CCDC171: variants seen among roughly 807,000 people sequenced by gnomAD.
The protein encoded by CCDC171 is coiled-coil domain-containing protein 171.
Under a neutral mutation model 168.2 loss-of-function variants are expected in CCDC171, and 177 were observed. That is an observed-to-expected ratio of 1.05 (90% CI 0.93 to 1.19). CCDC171 has a LOEUF of 1.19. Among genes scored for constraint, CCDC171 ranks in the 50% most tolerant of loss-of-function variants. The pLI, the probability that CCDC171 is intolerant of heterozygous loss-of-function variation, is 0.00. For missense variants in CCDC171, 1,991 were observed against 1,539.0 expected (o/e 1.29, Z -4.91); for synonymous variants, 687 against 540.8 (o/e 1.27, Z -3.75).
intron 25 of CCDC171, among the ~76,000 whole-genome samples, chr9:15,927,950 C>T (rs1022767196): frequency 6.6e-6 from 1 of 151,598 alleles, no homozygotes. Context: ...GTTTTTAGCC[C>T]TTTAAGAATA....
chr9:15,974,790 A>G (rs1056804572), downstream of CCDC171, among the ~76,000 whole-genome samples: 1 of 152,188 alleles, frequency 6.6e-6, no homozygotes, highest in Non-Finnish European at 1.5e-5. Context: ...TAGCAACTCT[A>G]TTTCCTATTT....
In CCDC171 at chr9:15,820,293, G is replaced by T. The variant is rs1314910815; in HGVS notation, c.3268-26409G>T. The stretch of plus-strand genomic sequence containing the variant: ...ACAATTAAAAGAACTAGAGAAGCAA[G>T]AGCAAACACATTCAAAAGCTAGCAG... On this transcript the variant is annotated intron_variant, in intron 21 of 25. Coordinates refer to ENST00000380701, the MANE Select transcript of CCDC171 (RefSeq NM_173550.4). Among the ~76,000 whole-genome samples, 2 of 116,020 alleles carry T rather than the reference G, an allele frequency of 1.7e-5. 1 individual carries two copies. Among genetic ancestry groups the T allele is most frequent in the Non-Finnish European group, 3.8e-5 (2 of 51,980 alleles). 76.1% of individuals were successfully genotyped at this position (116,020 alleles called of 152,430 possible).
At chr9:15,908,326 TA>T (rs1406863733) in intron 24 of CCDC171, among the ~76,000 whole-genome samples, 2 of 152,258 alleles carry the variant, frequency 1.3e-5, no homozygotes, top group Admixed American at 6.5e-5. Context: ...TATGCAGCCA[TA>T]AAAAATGATG....
chr9:15,621,856 A>G (rs942268199), intron 6 of CCDC171, among the ~76,000 whole-genome samples: 1 of 152,248 alleles, frequency 6.6e-6, no homozygotes, highest in Non-Finnish European at 1.5e-5. Context: ...CACTATTCAC[A>G]ATAGCAAAGA....
At chr9:16,052,040 T>C (rs1195857489) in intron 1 of CCDC171, among the ~76,000 whole-genome samples, 2 of 152,126 alleles carry the variant, frequency 1.3e-5, no homozygotes, top group Non-Finnish European at 2.9e-5. Context: ...CATGATTCAA[T>C]TACCTCCCAC....
chr9:15,698,309 C>T (rs925205647), intron 11 of CCDC171, among the ~76,000 whole-genome samples: 6 of 152,076 alleles, frequency 3.9e-5, no homozygotes, highest in African/African-American at 1.4e-4. Flanking sequence ...ATCACGAGGT[C>T]AGGAGATTGA....
At chr9:15,820,402 G>A (rs1285599731) in intron 21 of CCDC171, among the ~76,000 whole-genome samples, 1 of 115,500 alleles carries the variant, frequency 8.7e-6, no homozygotes, top group Non-Finnish European at 1.9e-5. Flanking sequence ...GAATCCAGGA[G>A]CTGGTTTTTT....
chr9:16,010,166 A>G (rs753608364), intron 3 of CCDC171, among the ~76,000 whole-genome samples: 1 of 152,282 alleles, frequency 6.6e-6, no homozygotes, highest in Middle Eastern at 3.4e-3. Context: ...GTGTGTGTGT[A>G]CTTTGTGGAG....
At chr9:15,575,788 C>G (rs930846310) in intron 3 of CCDC171, among the ~76,000 whole-genome samples, 3 of 152,198 alleles carry the variant, frequency 2.0e-5, no homozygotes, top group Non-Finnish European at 4.4e-5. Flanking sequence ...ATACATATCA[C>G]ATTTTAGAAA....
chr9:15,905,647 G>A (rs910180636), intron 24 of CCDC171, among the ~76,000 whole-genome samples: 60 of 152,010 alleles, frequency 3.9e-4, no homozygotes, highest in Non-Finnish European at 1.6e-4. Flanking sequence ...TCAAAAGCTA[G>A]CAGAAGGCAA....
chr9:15,959,794 T>A (rs1564072357), intron 25 of CCDC171, among the ~76,000 whole-genome samples: 2 of 152,086 alleles, frequency 1.3e-5, no homozygotes, highest in African/African-American at 4.8e-5. Flanking sequence ...CATGCAGACC[T>A]ATGGACTGGC....
intron 1 of CCDC171, among the ~76,000 whole-genome samples, chr9:15,557,744 G>A (rs1478548491): frequency 1.3e-5 from 2 of 152,050 alleles, no homozygotes; most frequent in Non-Finnish European, 2.9e-5. Context: ...TCTCCTGCCT[G>A]ATTGCCCTGG....
At position 15,576,137 on chromosome 9, in the gene CCDC171, G is replaced by A. The variant is rs1296382426; in HGVS notation, c.178-2712G>A. On this transcript the variant is annotated intron_variant, in intron 3 of 25. Transcript: ENST00000380701. ...TACATATATATCATATTTCAGTTGT[G>A]TGTGTGTGTGTGTGTGTGTGTGTAT... is the stretch of plus-strand genomic sequence containing the variant. Among the ~76,000 whole-genome samples the A allele has an allele frequency of 1.6e-4, 23 of 146,758 alleles. No individual in the cohort carries two copies. The East Asian group carries it at 4.2e-3, about 27-fold the overall frequency.
At chr9:15,756,305 G>C (rs2056111987) in intron 18 of CCDC171, among the ~76,000 whole-genome samples, 1 of 151,854 alleles carries the variant, frequency 6.6e-6, no homozygotes, top group African/African-American at 2.4e-5. Flanking sequence ...AATTAGAAAA[G>C]AATAAAAATA....
intron 6 of CCDC171, among the ~76,000 whole-genome samples, chr9:15,615,278 A>G (rs1002351141): frequency 4.6e-5 from 7 of 152,306 alleles, no homozygotes; most frequent in Non-Finnish European, 7.4e-5. Flanking sequence ...ACTTTTCTTC[A>G]TATAGAATTT....
At chr9:15,804,346 C>T (rs1026089723) in intron 21 of CCDC171, among the ~76,000 whole-genome samples, 4 of 152,040 alleles carry the variant, frequency 2.6e-5, no homozygotes, top group East Asian at 1.9e-4. Context: ...TTTGCTCATA[C>T]TGTATGATAT....
intron 7 of CCDC171, among the ~76,000 whole-genome samples, chr9:15,631,523 A>G (rs936668030): frequency 6.6e-6 from 1 of 152,204 alleles, no homozygotes; most frequent in South Asian, 2.1e-4. Flanking sequence ...AATTGTGGCA[A>G]TAGTCAATAG....
chr9:15,642,093 G>A (rs2046656297), intron 7 of CCDC171, among the ~76,000 whole-genome samples: 1 of 151,892 alleles, frequency 6.6e-6, no homozygotes, highest in African/African-American at 2.4e-5. Flanking sequence ...GAAACCAGGA[G>A]GTGGTTGCAG....
the CCDC171 span, among the ~76,000 whole-genome samples, chr9:16,068,703 T>C: frequency 6.6e-6 from 1 of 151,708 alleles, no homozygotes; most frequent in African/African-American, 2.4e-5. Context: ...CAGTCAACAT[T>C]GTACAGAGAT....
Sources: allele counts gnomAD v4.1 joint callset (sites outside exome capture counted in the v4.1 genomes callset), GRCh38; gene constraint gnomAD v4.1.1; transcripts MANE v1.5; gene names NCBI Gene and HGNC (gene_info 2026-07-23, HGNC 2026-07-21).